Variants in SRGAP2 observed in about 807,000 individuals in gnomAD.
SRGAP2 encodes SLIT-ROBO Rho GTPase-activating protein 2.
Under a neutral mutation model 57.2 loss-of-function variants are expected in SRGAP2, and 15 were observed. The ratio of observed to expected loss-of-function variants is 0.26; its 90% CI spans 0.18 to 0.40. SRGAP2 has a LOEUF of 0.40. SRGAP2 is among the 10% of genes least tolerant of loss of function. The probability of loss-of-function intolerance (pLI) is 1.00; values close to 1 mark genes in which losing one functional copy is unlikely to be tolerated. For missense variants in SRGAP2, 520 were observed against 669.6 expected (o/e 0.78, Z 2.47); for synonymous variants, 249 against 248.0 (o/e 1.00, Z -0.04).
intron 13 of SRGAP2, among the ~76,000 whole-genome samples, 163 bp from the exon 14 acceptor site, chr1:206,429,999 G>A (rs1337324178): frequency 6.6e-6 from 1 of 152,220 alleles, no homozygotes; most frequent in Non-Finnish European, 1.5e-5. Context: ...CATGTGGGTG[G>A]TTGTATTTTT....
intron 3 of SRGAP2, among the ~76,000 whole-genome samples, chr1:206,319,410 CA>C (rs1298744826): frequency 4.7e-5 from 7 of 148,358 alleles, no homozygotes; most frequent in African/African-American, 1.7e-4. Context: ...GACTCCGTCT[CA>C]AAAAAAAACA....
chr1:206,450,326 G>A, intron 18 of SRGAP2, 60 bp from the exon 19 acceptor site: 1 of 767,212 alleles, frequency 1.3e-6, no homozygotes, highest in Non-Finnish European at 2.4e-6. Context: ...TGTATGAAGG[G>A]GAAGACAAGA....
intron 13 of SRGAP2, 134 bp from the exon 14 acceptor site, chr1:206,430,028 G>C (rs1572134895): frequency 1.5e-6 from 1 of 673,450 alleles, no homozygotes; most frequent in Non-Finnish European, 2.7e-6. Flanking sequence ...GAACTTGGAG[G>C]ACAGGCCAGG....
chr1:206,447,175 C>G (rs1229905222), intron 18 of SRGAP2, among the ~76,000 whole-genome samples: 2 of 152,060 alleles, frequency 1.3e-5, no homozygotes, highest in East Asian at 1.9e-4. Flanking sequence ...CGTCCCTTAC[C>G]TCCCCCTCCT....
intron 2 of SRGAP2, among the ~76,000 whole-genome samples, chr1:206,276,848 T>G (rs1483112274): frequency 6.6e-6 from 1 of 152,218 alleles, no homozygotes; most frequent in African/African-American, 2.4e-5. Flanking sequence ...CTGCGGATTC[T>G]GAATTTGTCA....
At chr1:206,267,259 C>T (rs1220632725) in intron 2 of SRGAP2, among the ~76,000 whole-genome samples, 6 of 152,210 alleles carry the variant, frequency 3.9e-5, no homozygotes, top group Non-Finnish European at 8.8e-5. Flanking sequence ...TGAGCCACCA[C>T]GCCCGGCCAC....
intron 3 of SRGAP2, among the ~76,000 whole-genome samples, chr1:206,306,323 G>T (rs1163555110): frequency 2.0e-5 from 3 of 152,192 alleles, no homozygotes; most frequent in Admixed American, 1.3e-4. Context: ...TGGCTCAGGA[G>T]TGAAGCTGCA....
intron 5 of SRGAP2, among the ~76,000 whole-genome samples, chr1:206,386,816 A>AG (rs1471185112): frequency 6.9e-6 from 1 of 145,528 alleles, no homozygotes; most frequent in Non-Finnish European, 1.5e-5. Context: ...AAAAAGAAAA[A>AG]GGAAAAAAAG....
At chr1:206,433,490 A>T (rs973136874) in intron 14 of SRGAP2, among the ~76,000 whole-genome samples, 2 of 152,032 alleles carry the variant, frequency 1.3e-5, no homozygotes, top group Non-Finnish European at 2.9e-5. Flanking sequence ...AATACAAAAA[A>T]ATTAGCTGGG....
chr1:206,318,314 A>G (rs1171301645), intron 3 of SRGAP2, among the ~76,000 whole-genome samples: 1 of 151,856 alleles, frequency 6.6e-6, no homozygotes, highest in Admixed American at 6.6e-5. Flanking sequence ...TCTAAAACAG[A>G]GCAAGGTGAA....
At chr1:206,377,234 T>A (rs1172378378) in intron 4 of SRGAP2, among the ~76,000 whole-genome samples, 1 of 152,018 alleles carries the variant, frequency 6.6e-6, no homozygotes, top group East Asian at 1.9e-4. Flanking sequence ...GACATTTTCT[T>A]TTAAAATATA....
At chr1:206,373,022 T>TTTCTTTCTTTCC (rs1558359663) in intron 4 of SRGAP2, among the ~76,000 whole-genome samples, 4 of 123,292 alleles carry the variant, frequency 3.2e-5, no homozygotes, top group Non-Finnish European at 5.1e-5. Flanking sequence ...TCTTTCTTTC[T>TTTCTTTCTTTCC]TTCTTTTCTT....
At position 206,356,705 on chromosome 1, in the gene SRGAP2, A is replaced by G. The variant is rs1452658558; in HGVS notation, c.423+13697A>G. ...TGAATTCCTCCCTGCTTGTCTGAGC[A>G]TGATTTTTATTTAAAGTGAGGACAA... On this transcript the variant is annotated intron_variant, in intron 4 of 22. Coordinates refer to ENST00000573034, the MANE Select transcript of SRGAP2 (RefSeq NM_015326.5). Among the ~76,000 whole-genome samples, 4 of 149,674 alleles carry G rather than the reference A, an allele frequency of 2.7e-5. No individual in the cohort carries two copies. In the East Asian group the frequency reaches 5.9e-4, roughly 22 times the overall value.
At chr1:206,417,103 CT>C (rs546280000) in intron 11 of SRGAP2, among the ~76,000 whole-genome samples, 6,719 of 133,630 alleles carry the variant, frequency 0.05, 152 homozygotes, top group African/African-American at 0.11. Context: ...CTAATGACTT[CT>C]TTTTTTTTTT....
intron 4 of SRGAP2, among the ~76,000 whole-genome samples, chr1:206,359,798 C>CTTTTTTTTTTTTTTTT (rs1166916482): frequency 2.8e-5 from 2 of 70,210 alleles, no homozygotes; most frequent in African/African-American, 5.9e-5. Flanking sequence ...GGATATTGCT[C>CTTTTTTTTTTTTTTTT]TTTTTTTTTT....
At chr1:206,393,496 C>T (rs1553351783) in intron 6 of SRGAP2, 49 bp from the exon 7 acceptor site, 3 of 751,944 alleles carry the variant, frequency 4.0e-6, no homozygotes, top group Admixed American at 1.9e-5. Context: ...AGAGAACAAG[C>T]CCCCCTTAAA....
At chr1:206,273,113 G>C (rs1249420657) in intron 2 of SRGAP2, among the ~76,000 whole-genome samples, 1 of 151,790 alleles carries the variant, frequency 6.6e-6, no homozygotes, top group Admixed American at 6.6e-5. Flanking sequence ...CACTTTTTAC[G>C]TCTTAGAGTA....
At chr1:206,435,479 A>G (rs1572147885) in intron 14 of SRGAP2, among the ~76,000 whole-genome samples, 1 of 151,998 alleles carries the variant, frequency 6.6e-6, no homozygotes, top group Non-Finnish European at 1.5e-5. Flanking sequence ...GTCCAGTCCA[A>G]CCCCTGGGGC....
chr1:206,395,770 A>G (rs1290343656), intron 7 of SRGAP2, among the ~76,000 whole-genome samples: 3 of 151,270 alleles, frequency 2.0e-5, no homozygotes, highest in Non-Finnish European at 2.9e-5. Flanking sequence ...TCCATCAGGT[A>G]TAACCAAGTG....
Sources: gnomAD v4.1 joint callset for allele counts (sites outside exome capture counted in the v4.1 genomes callset) on GRCh38, gnomAD v4.1.1 for gene constraint, MANE v1.5 for transcripts, NCBI Gene and HGNC (gene_info 2026-07-23, HGNC 2026-07-21) for gene names.